The following KCNIP4 variants were observed in gnomAD, a reference collection of about 807,000 sequenced individuals.
KCNIP4 encodes the protein Kv channel-interacting protein 4.
Under a neutral mutation model 34.0 loss-of-function variants are expected in KCNIP4, and 12 were observed. The ratio of observed to expected loss-of-function variants is 0.35; its 90% confidence interval spans 0.23 to 0.57. KCNIP4 has a LOEUF of 0.57. KCNIP4 is among the 20% of genes least tolerant of loss of function. KCNIP4 has a pLI of 0.83. For synonymous variants in KCNIP4, 124 were observed against 102.2 expected (o/e 1.21, Z -1.29); for missense variants, 238 against 311.7 (o/e 0.76, Z 1.78).
At chr4:21,054,542 C>T (rs987760654) in intron 1 of KCNIP4, among the ~76,000 whole-genome samples, 2 of 148,762 alleles carry the variant, frequency 1.3e-5, no homozygotes, top group African/African-American at 4.9e-5. Flanking sequence ...AAAGAATAGA[C>T]AAAGAGGTGA....
At chr4:21,297,636 T>C (rs142594618) in intron 1 of KCNIP4, among the ~76,000 whole-genome samples, 1 of 152,302 alleles carries the variant, frequency 6.6e-6, no homozygotes, top group African/African-American at 2.4e-5. Flanking sequence ...TATAAGATGA[T>C]CAATTTGAAA....
At chr4:21,120,827 A>G (rs1750093830) in intron 1 of KCNIP4, among the ~76,000 whole-genome samples, 1 of 152,194 alleles carries the variant, frequency 6.6e-6, no homozygotes, top group Non-Finnish European at 1.5e-5. Flanking sequence ...CACCGGTCTT[A>G]CTAAATTAAG....
intron 1 of KCNIP4, among the ~76,000 whole-genome samples, chr4:21,426,392 T>C (rs1725933314): frequency 1.3e-5 from 2 of 152,218 alleles, no homozygotes; most frequent in South Asian, 4.1e-4. Context: ...AATATATACA[T>C]AACAATATTA....
chr4:20,935,928 C>A (rs1343575481), intron 1 of KCNIP4, among the ~76,000 whole-genome samples: 2 of 152,174 alleles, frequency 1.3e-5, no homozygotes, highest in East Asian at 3.8e-4. Flanking sequence ...AACAATGTAT[C>A]TGATAGTGTT....
intron 1 of KCNIP4, among the ~76,000 whole-genome samples, chr4:21,906,018 C>A (rs1466492124): frequency 6.6e-6 from 1 of 152,106 alleles, no homozygotes. Flanking sequence ...CAAATCCAGG[C>A]CCTCATCTCT....
intron 1 of KCNIP4, among the ~76,000 whole-genome samples, chr4:21,740,265 G>C (rs1248401709): frequency 1.3e-5 from 2 of 151,932 alleles, no homozygotes; most frequent in South Asian, 2.1e-4. Context: ...CAGTAAACAA[G>C]TATAAAAATG....
chr4:20,773,473 G>A (rs988819529), intron 3 of KCNIP4, among the ~76,000 whole-genome samples: 2 of 152,106 alleles, frequency 1.3e-5, no homozygotes, highest in Non-Finnish European at 1.5e-5. Flanking sequence ...GGAAACTCCC[G>A]GGCCTGTTGA....
chr4:20,874,370 A>G (rs1723782755), intron 2 of KCNIP4, among the ~76,000 whole-genome samples: 1 of 152,076 alleles, frequency 6.6e-6, no homozygotes, highest in South Asian at 2.1e-4. Flanking sequence ...TGTGTCTTAG[A>G]TCTACATATG....
chr4:21,421,179 T>C (rs1393964400), intron 1 of KCNIP4, among the ~76,000 whole-genome samples: 1 of 152,144 alleles, frequency 6.6e-6, no homozygotes, highest in Non-Finnish European at 1.5e-5. Context: ...ACTTGCACAC[T>C]GTTGGTGGGA....
At chr4:20,964,644 A>G (rs1734172090) in intron 1 of KCNIP4, among the ~76,000 whole-genome samples, 1 of 152,130 alleles carries the variant, frequency 6.6e-6, no homozygotes, top group African/African-American at 2.4e-5. Context: ...AGCCTGTTTG[A>G]TGTTCACTAC....
At chr4:21,758,302 C>G (rs1717804096) in intron 1 of KCNIP4, among the ~76,000 whole-genome samples, 1 of 152,074 alleles carries the variant, frequency 6.6e-6, no homozygotes, top group South Asian at 2.1e-4. Context: ...GCTCTGAAGA[C>G]AATAAAACAA....
intron 1 of KCNIP4, among the ~76,000 whole-genome samples, chr4:21,123,210 A>AC (rs1426857635): frequency 1.3e-5 from 2 of 151,886 alleles, no homozygotes; most frequent in Non-Finnish European, 2.9e-5. Flanking sequence ...CAAGTTAAAA[A>AC]AAAAAAATTA....
At chr4:20,927,560 G>A (rs1046149464) in intron 1 of KCNIP4, among the ~76,000 whole-genome samples, 3 of 152,070 alleles carry the variant, frequency 2.0e-5, no homozygotes, top group African/African-American at 7.2e-5. Flanking sequence ...GATAATGGTT[G>A]ATCAAAAGTA....
At chr4:21,375,925 A>G (rs1336806346) in intron 1 of KCNIP4, among the ~76,000 whole-genome samples, 1 of 152,144 alleles carries the variant, frequency 6.6e-6, no homozygotes, top group Non-Finnish European at 1.5e-5. Flanking sequence ...CACGTTCAAA[A>G]AGGTACCTTT....
At chr4:21,938,490 T>C (rs1730013338) in intron 1 of KCNIP4, among the ~76,000 whole-genome samples, 1 of 152,184 alleles carries the variant, frequency 6.6e-6, no homozygotes, top group Non-Finnish European at 1.5e-5. Flanking sequence ...TACAGAATAA[T>C]GCTCTTTTCT....
chr4:21,082,746 T>A (rs564241953), intron 1 of KCNIP4, among the ~76,000 whole-genome samples: 3 of 151,858 alleles, frequency 2.0e-5, no homozygotes, highest in Non-Finnish European at 4.4e-5. Flanking sequence ...TGAATCTGAT[T>A]TGCTCTCCTC....
intron 1 of KCNIP4, among the ~76,000 whole-genome samples, chr4:21,664,231 G>A (rs1748665072): frequency 6.6e-6 from 1 of 152,112 alleles, no homozygotes; most frequent in Non-Finnish European, 1.5e-5. Flanking sequence ...TTACAGGCGT[G>A]AGCCACCACA....
At chr4:20,839,317 G>A (rs560748293) in intron 3 of KCNIP4, among the ~76,000 whole-genome samples, 92 of 151,930 alleles carry the variant, frequency 6.1e-4, no homozygotes, top group Non-Finnish European at 1.0e-3. Context: ...CATCTATAGA[G>A]ATATAGATCT....
intron 1 of KCNIP4, among the ~76,000 whole-genome samples, chr4:21,185,073 T>A (rs1755117210): frequency 6.6e-6 from 1 of 152,182 alleles, no homozygotes. Flanking sequence ...TACGTATAAC[T>A]TCTAGAAAGA....
Sources: gnomAD v4.1 joint callset for allele counts (sites outside exome capture counted in the v4.1 genomes callset) on GRCh38, gnomAD v4.1.1 for gene constraint, MANE v1.5 for transcripts, NCBI Gene and HGNC (gene_info 2026-07-23, HGNC 2026-07-21) for gene names.